The following BARD1 variants were observed in gnomAD, a reference collection of about 807,000 sequenced individuals.
BARD1 encodes BRCA1 associated RING domain 1, also known as BRCA1-associated RING domain protein 1.
Under a neutral mutation model 77.0 loss-of-function variants are expected in BARD1, and 73 were observed. The observed-to-expected ratio is 0.95, with a 90% CI of 0.79 to 1.15. The LOEUF is 1.15. BARD1 is among the 50% of genes most tolerant of loss of function. The pLI is 0.00. For missense variants in BARD1, 993 were observed against 938.8 expected (o/e 1.06, Z -0.75); for synonymous variants, 384 against 338.0 (o/e 1.14, Z -1.49).
rs184269682 is a variant in BARD1 at position 214,772,863 on chromosome 2, T to A, written c.1315-3551A>T. The stretch of plus-strand genomic sequence containing the variant: ...TGATATGAAGTAGCCAGGAAATAAA[T>A]TAAGTTTTGATTCTGGCTTCTTTAA... On this transcript the variant is annotated intron_variant, in intron 4 of 10. Transcript: ENST00000260947. 5.6e-3 allele frequency among the ~76,000 whole-genome samples: 852 copies of A among 152,326 alleles called. 4 individuals carry two copies. The highest frequency in any genetic ancestry group is 9.9e-3 in the Non-Finnish European group (676 of 68,032).
chr2:214,797,287 C>T, intron 1 of BARD1, among the ~76,000 whole-genome samples, 170 bp from the exon 2 acceptor site: 1 of 152,238 alleles, frequency 6.6e-6, no homozygotes, highest in East Asian at 1.9e-4. Flanking sequence ...AAATATTGTA[C>T]CATAACATAC....
At position 214,809,676 on chromosome 2, in the gene BARD1, C is replaced by T. The variant is rs1574870750; in HGVS notation, c.-107G>A. On this transcript the variant is annotated 5_prime_UTR_variant, in exon 1 of 11. Coordinates refer to ENST00000260947, the MANE Select transcript of BARD1 (RefSeq NM_000465.4). ...CGACTCGAAACCGGCCAAGCTCTTCCCGCGTCTGGGACGGCGGGCCGCCAG... is the reference window on the plus strand; with the variant it reads ...CGACTCGAAACCGGCCAAGCTCTTCTCGCGTCTGGGACGGCGGGCCGCCAG... The T allele has an allele frequency of 1.4e-6, 2 of 1,441,030 alleles. No homozygotes were observed. Among genetic ancestry groups the T allele is most frequent in the Admixed American group, 2.0e-5 (1 of 48,908 alleles). 89.3% of individuals were successfully genotyped at this position (1,441,030 alleles called of 1,614,324 possible). A position where few individuals can be genotyped will look rare whatever the true frequency, so the allele number is the denominator to read the frequency against.
At chr2:214,808,928 C>T (rs1011687909) in intron 1 of BARD1, among the ~76,000 whole-genome samples, 1 of 152,214 alleles carries the variant, frequency 6.6e-6, no homozygotes, top group African/African-American at 2.4e-5. Context: ...AAAGCTGGCA[C>T]GGAGAAAATG....
intron 4 of BARD1, among the ~76,000 whole-genome samples, chr2:214,769,645 G>A (rs1694384907): frequency 1.3e-5 from 2 of 152,160 alleles, no homozygotes; most frequent in African/African-American, 2.4e-5. Context: ...GGAGGCTGAG[G>A]CAGGAGAATC....
intron 7 of BARD1, among the ~76,000 whole-genome samples, chr2:214,747,711 TGGGGGGA>T (rs1345231251): frequency 6.5e-4 from 38 of 58,772 alleles, no homozygotes; most frequent in African/African-American, 1.8e-3. Flanking sequence ...TGTTGTGGGG[TGGGGGGA>T]GGGGGGAGGG....
chr2:214,740,842 T>C (rs1175752305), intron 9 of BARD1, among the ~76,000 whole-genome samples: 1 of 152,036 alleles, frequency 6.6e-6, no homozygotes, highest in Non-Finnish European at 1.5e-5. Flanking sequence ...TCTTAGACAA[T>C]CTTTGGTGGA....
chr2:214,751,289 C>A (rs1414721541), intron 7 of BARD1, among the ~76,000 whole-genome samples: 1 of 146,954 alleles, frequency 6.8e-6, no homozygotes, highest in Non-Finnish European at 1.5e-5. Context: ...TCCCTAGTAG[C>A]TGGGACTACA....
chr2:214,763,213 C>T (rs898143471), intron 6 of BARD1, among the ~76,000 whole-genome samples: 6 of 152,112 alleles, frequency 3.9e-5, no homozygotes, highest in African/African-American at 1.2e-4. Context: ...TTTCAAAACT[C>T]GAAGTTCTTC....
chr2:214,773,624 CATT>C (rs1694611107), intron 4 of BARD1, among the ~76,000 whole-genome samples: 1 of 104,540 alleles, frequency 9.6e-6, no homozygotes, highest in South Asian at 2.8e-4. Flanking sequence ...TGTGCAATAG[CATT>C]ATGTTTTTTA....
rs920151736 is a variant in BARD1, at chr2:214,809,679, C to T, written c.-110G>A. 2 of 1,420,040 alleles carry T rather than the reference C, an allele frequency of 1.4e-6. No individual in the cohort carries two copies. The highest frequency in any genetic ancestry group is 2.8e-5 in the African/African-American group (2 of 70,208). The allele number at this position is 1,420,040 out of a possible 1,614,324, so 88.0% of individuals were successfully genotyped here. On this transcript the variant is annotated 5_prime_UTR_variant, in exon 1 of 11. Coordinates refer to ENST00000260947, the MANE Select transcript of BARD1 (RefSeq NM_000465.4). ...CTCGAAACCGGCCAAGCTCTTCCCG[C>T]GTCTGGGACGGCGGGCCGCCAGAGG...
intron 1 of BARD1, among the ~76,000 whole-genome samples, chr2:214,807,509 T>G (rs1000292745): frequency 6.6e-6 from 1 of 152,340 alleles, no homozygotes; most frequent in East Asian, 1.9e-4. Flanking sequence ...TATCATTTAT[T>G]CTATCACAAC....
intron 2 of BARD1, among the ~76,000 whole-genome samples, chr2:214,794,721 A>C (rs1316709336): frequency 6.6e-6 from 1 of 152,182 alleles, no homozygotes; most frequent in East Asian, 1.9e-4. Flanking sequence ...TAGAGAGTAG[A>C]TGAATTACCT....
chr2:214,764,457 T>C (rs1439723992), intron 6 of BARD1, among the ~76,000 whole-genome samples: 1 of 151,952 alleles, frequency 6.6e-6, no homozygotes, highest in Admixed American at 6.6e-5. Flanking sequence ...TTCTAGACAA[T>C]GCAAAGACAT....
At position 214,745,864 on chromosome 2, in the gene BARD1, T is replaced by A. The variant is rs2106021515; in HGVS notation, c.1678-10A>T. On this transcript the variant is annotated splice_polypyrimidine_tract_variant and intron_variant, in intron 7 of 10. Transcript: ENST00000260947. ...GCTGCCCAGTGTTCATCTGTTAATATAAAAGGAGATACCAGTGTTAAAAAC... is the reference window on the plus strand; with the variant it reads ...GCTGCCCAGTGTTCATCTGTTAATAAAAAAGGAGATACCAGTGTTAAAAAC... The A allele has an allele frequency of 1.2e-6, 2 of 1,613,836 alleles. No individual in the cohort carries two copies. The highest frequency in any genetic ancestry group is 1.7e-6 in the Non-Finnish European group (2 of 1,179,898).
rs1694274375 is a variant in BARD1, at chr2:214,767,608, A to C, written c.1442T>G (p.Leu481Arg). 1.2e-6 allele frequency: 2 copies of C among 1,614,098 alleles called. No homozygotes were observed. The highest frequency in any genetic ancestry group is 1.7e-6 in the Non-Finnish European group (2 of 1,179,972). The change falls in exon 6 of 11, where the codon CTC becomes CGC. Residue 481 changes from leucine (L) to arginine (R), a missense_variant. By Grantham distance (102) the Leu-to-Arg change is moderately radical. Coordinates refer to ENST00000260947, the MANE Select transcript of BARD1 (RefSeq NM_000465.4). ...GGTGTTCACCAATGCCTTATGCTGG[A>C]GCAATAATTCCACTACCTTCAGGTG... Reference protein sequence around the residue: ...HGHLKVVELLLQHKALVNTTG... With the variant: ...HGHLKVVELLRQHKALVNTTG...
chr2:214,791,917 C>T (rs1235900273), intron 3 of BARD1, among the ~76,000 whole-genome samples: 1 of 152,130 alleles, frequency 6.6e-6, no homozygotes, highest in Non-Finnish European at 1.5e-5. Flanking sequence ...ACTAACTACA[C>T]ATGCGGCTGT....
Position 214,728,487 on chromosome 2 carries a change from C to T in BARD1, c.*189G>A. ...AAAAAGAAAAACCTTTAAAAGCAAT[C>T]CCAGCTTCTAAATGGTAAACATAAC... is the stretch of plus-strand genomic sequence containing the variant. On this transcript the variant is annotated 3_prime_UTR_variant, in exon 11 of 11. Coordinates refer to ENST00000260947, the MANE Select transcript of BARD1 (RefSeq NM_000465.4). The T allele has an allele frequency of 1.6e-6, 1 of 629,610 alleles. No homozygotes were observed. The allele number at this position is 629,610 out of a possible 1,614,324, so 39.0% of individuals were successfully genotyped here.
chr2:214,804,904 T>G (rs1471288789), intron 1 of BARD1, among the ~76,000 whole-genome samples: 1 of 152,212 alleles, frequency 6.6e-6, no homozygotes, highest in Non-Finnish European at 1.5e-5. Context: ...GGCTCACGCC[T>G]GTAATCCTAG....
At chr2:214,761,410 T>G (rs1166662352) in intron 6 of BARD1, among the ~76,000 whole-genome samples, 1 of 152,116 alleles carries the variant, frequency 6.6e-6, no homozygotes, top group Non-Finnish European at 1.5e-5. Flanking sequence ...TAATCATAAA[T>G]GCAAAATTCC....
Sources: gnomAD v4.1 joint callset for allele counts (sites outside exome capture counted in the v4.1 genomes callset) on GRCh38, gnomAD v4.1.1 for gene constraint, MANE v1.5 for transcripts, NCBI Gene and HGNC (gene_info 2026-07-23, HGNC 2026-07-21) for gene names.